AK5: variants seen among roughly 807,000 people sequenced by gnomAD.
The protein encoded by AK5 is adenylate kinase isoenzyme 5.
Under a neutral mutation model 69.5 loss-of-function variants are expected in AK5, and 27 were observed. The observed-to-expected ratio is 0.39, with a 90% CI of 0.29 to 0.54. The LOEUF is 0.54. Ranked by LOEUF, AK5 falls within the 20% of genes least tolerant of loss-of-function variation. The pLI, the probability that AK5 is intolerant of heterozygous loss-of-function variation, is 0.71. For synonymous variants in AK5, 260 were observed against 244.4 expected, an observed-to-expected ratio of 1.06 and a Z score of -0.60; for missense variants, 531 against 700.4, an observed-to-expected ratio of 0.76 and a Z score of 2.73.
At chr1:77,294,292 T>C (rs891652487) in intron 3 of AK5, among the ~76,000 whole-genome samples, 12 of 152,142 alleles carry the variant, frequency 7.9e-5, no homozygotes, top group East Asian at 1.9e-4. Context: ...ACTGAGCCAA[T>C]TGAAGTTTTC....
intron 8 of AK5, among the ~76,000 whole-genome samples, chr1:77,442,338 T>A (rs914461357): frequency 6.6e-6 from 1 of 151,968 alleles, no homozygotes; most frequent in African/African-American, 2.4e-5. Context: ...GCACAGAGGG[T>A]GGGGCTCCTT....
chr1:77,549,683 G>A (rs1423056574), intron 13 of AK5, among the ~76,000 whole-genome samples: 1 of 152,224 alleles, frequency 6.6e-6, no homozygotes, highest in African/African-American at 2.4e-5. Flanking sequence ...TCAGAAATAA[G>A]TGAGAACATT....
chr1:77,345,993 T>C (rs1457960206), intron 6 of AK5: 1 of 152,212 alleles, frequency 6.6e-6, no homozygotes, highest in Non-Finnish European at 1.5e-5. Context: ...ATGTATTATA[T>C]ACTGATTCTT....
rs1658941633 is a variant in AK5 at position 77,535,992 on chromosome 1, C to G, written c.1574C>G (p.Ser525Cys). 6.2e-7 allele frequency: 1 copy of G among 1,614,010 alleles called. No homozygotes were observed. Among genetic ancestry groups the G allele is most frequent in the South Asian group, 1.1e-5 (1 of 91,036 alleles). Residue 525 changes from serine (S) to cysteine (C), a missense_variant, in exon 13 of 14, where the codon TCC (serine) becomes TGC (cysteine). Transcript: ENST00000354567. ...AKRLEAYYRA[S>C]IPVIAYYETK... ...CGCCTAGAAGCCTACTACCGAGCGT[C>G]CATCCCCGTGATCGCCTACTACGAG...
Position 77,411,044 on chromosome 1 carries a change from T to A in AK5, c.955T>A (p.Leu319Ile), listed in dbSNP as rs751787049. 2 of 1,613,830 alleles carry A rather than the reference T, an allele frequency of 1.2e-6. No individual in the cohort carries two copies. Among genetic ancestry groups the A allele is most frequent in the Admixed American group, 3.3e-5 (2 of 59,982 alleles). The change falls in exon 7 of 14, where the codon TTA becomes ATA. Residue 319 changes from leucine (L) to isoleucine (I), a missense_variant. Leu to Ile is a conservative substitution (Grantham distance 5). Transcript: ENST00000354567. ...CATCAGCATGGCAGTTGACAACAAG[T>A]TATTTCCAAACAAAGAGGCTGCAGC... ...YDISMAVDNK[L>I]FPNKEAAAGS... is the part of the protein sequence containing the mutation.
In AK5 at chr1:77,391,525, A is replaced by ATATATATATATATATATG. The variant is rs146163792; in HGVS notation, c.892-19453_892-19452insATATATATATATATGTAT. Among the ~76,000 whole-genome samples the ATATATATATATATATATG allele has an allele frequency of 6.7e-4, 82 of 121,678 alleles. 1 individual carries two copies. The highest frequency in any genetic ancestry group is 1.2e-3 in the Non-Finnish European group (68 of 57,942). 79.8% of individuals were successfully genotyped at this position (121,678 alleles called of 152,430 possible). A position where few individuals can be genotyped will look rare whatever the true frequency, so the allele number is the denominator to read the frequency against. On this transcript the variant is annotated intron_variant, in intron 6 of 13. Transcript: ENST00000354567. ...TATATATATATATATATATATATAT[A>ATATATATATATATATATG]TATCTCCTCAGGCTGTTGTTGCAGT... is the stretch of plus-strand genomic sequence containing the variant.
At chr1:77,387,529 A>G (rs927638956) in intron 6 of AK5, among the ~76,000 whole-genome samples, 1 of 152,232 alleles carries the variant, frequency 6.6e-6, no homozygotes, top group Non-Finnish European at 1.5e-5. Context: ...GCTTACATTT[A>G]GAGCATCTTC....
intron 10 of AK5, among the ~76,000 whole-genome samples, chr1:77,507,007 A>AC (rs1657069773): frequency 6.6e-6 from 1 of 152,202 alleles, no homozygotes; most frequent in Non-Finnish European, 1.5e-5. Flanking sequence ...TCAAAAAAAA[A>AC]AACCACATAG....
At chr1:77,514,387 G>T (rs1657521048) in intron 10 of AK5, among the ~76,000 whole-genome samples, 1 of 152,104 alleles carries the variant, frequency 6.6e-6, no homozygotes, top group African/African-American at 2.4e-5. Context: ...CTTTTGCCGG[G>T]TAACAAATTA....
intron 10 of AK5, among the ~76,000 whole-genome samples, chr1:77,498,368 G>A (rs1344347264): frequency 6.6e-6 from 1 of 152,146 alleles, no homozygotes; most frequent in Admixed American, 6.5e-5. Flanking sequence ...CTCTGAAAGA[G>A]TCTGAAAGAG....
chr1:77,496,866 A>G lies in AK5; in HGVS notation c.1147+10514A>G, dbSNP rs146378965. Among the ~76,000 whole-genome samples, 286 of 152,314 alleles carry G rather than the reference A, an allele frequency of 1.9e-3. 3 individuals are homozygous for G. The highest frequency in any genetic ancestry group is 6.6e-3 in the African/African-American group (276 of 41,580). On this transcript the variant is annotated intron_variant, in intron 10 of 13. Transcript: ENST00000354567. Reference sequence around the variant, plus strand: ...AATCAGCACTCTGTAAAATGGACCAATCAGCACTCTGTAAAATGGACTAAT... The same window carrying G: ...AATCAGCACTCTGTAAAATGGACCAGTCAGCACTCTGTAAAATGGACTAAT...
At chr1:77,360,235 G>A (rs1646839353) in intron 6 of AK5, among the ~76,000 whole-genome samples, 1 of 152,186 alleles carries the variant, frequency 6.6e-6, no homozygotes, top group South Asian at 2.1e-4. Flanking sequence ...AGAGGAAGAA[G>A]AGTCGGGGAG....
chr1:77,426,508 A>T (rs1380598258), intron 8 of AK5, among the ~76,000 whole-genome samples: 1 of 152,216 alleles, frequency 6.6e-6, no homozygotes, highest in African/African-American at 2.4e-5. Flanking sequence ...TAGCAAGGAG[A>T]AATAAGTGAA....
intron 6 of AK5, among the ~76,000 whole-genome samples, chr1:77,345,100 A>C (rs576485607): frequency 6.6e-6 from 1 of 152,126 alleles, no homozygotes; most frequent in Non-Finnish European, 1.5e-5. Flanking sequence ...CATGGATTTC[A>C]CCAGGGAAAT....
chr1:77,444,345 A>T lies in AK5; in HGVS notation c.1059+26630A>T, dbSNP rs12079001. On this transcript the variant is annotated intron_variant, in intron 8 of 13. Transcript: ENST00000354567. ...GTGTATATATATAGTATATATACAC[A>T]ATATATGTGTATATATAGTATAAAT... 1.6e-3 allele frequency among the ~76,000 whole-genome samples: 96 copies of T among 59,370 alleles called. 6 individuals are homozygous for T. Among genetic ancestry groups the T allele is most frequent in the African/African-American group, 2.4e-3 (35 of 14,404 alleles). 38.9% of individuals were successfully genotyped at this position (59,370 alleles called of 152,430 possible).
At chr1:77,391,522 T>TATATATATATATATATATATATATATAG (rs1648482949) in intron 6 of AK5, among the ~76,000 whole-genome samples, 1 of 134,566 alleles carries the variant, frequency 7.4e-6, no homozygotes, top group Non-Finnish European at 1.6e-5. Flanking sequence ...TATATATATA[T>TATATATATATATATATATATATATATAG]ATATATCTCC....
intron 13 of AK5, among the ~76,000 whole-genome samples, chr1:77,544,548 A>G (rs1318628488): frequency 7.1e-6 from 1 of 140,966 alleles, no homozygotes; most frequent in South Asian, 2.3e-4. Flanking sequence ...TTTTTTTTTT[A>G]CTTTTTAAGC....
chr1:77,516,999 G>A (rs1235011695), intron 10 of AK5, among the ~76,000 whole-genome samples: 1 of 151,648 alleles, frequency 6.6e-6, no homozygotes, highest in Non-Finnish European at 1.5e-5. Context: ...TGAACCTGGG[G>A]GGTGGAGGTT....
At chr1:77,297,213 A>AT (rs1008058505) in intron 3 of AK5, among the ~76,000 whole-genome samples, 2 of 152,124 alleles carry the variant, frequency 1.3e-5, no homozygotes, top group Non-Finnish European at 2.9e-5. Context: ...TATTCCACAG[A>AT]TTTTTCTTTG....
Sources: allele counts gnomAD v4.1 joint callset (sites outside exome capture counted in the v4.1 genomes callset), GRCh38; gene constraint gnomAD v4.1.1; transcripts MANE v1.5; gene names NCBI Gene and HGNC (gene_info 2026-07-23, HGNC 2026-07-21).